DPP10: variants seen among roughly 807,000 people sequenced by gnomAD.
DPP10 encodes inactive dipeptidyl peptidase 10.
In DPP10, 33 loss-of-function variants were observed where a neutral mutation model predicts 120.9. The ratio of observed to expected loss-of-function variants is 0.27; its 90% CI spans 0.21 to 0.37. DPP10 has a LOEUF of 0.37. Among genes scored for constraint, DPP10 ranks in the 10% least tolerant of loss-of-function variants. The pLI, the probability that DPP10 is intolerant of heterozygous loss-of-function variation, is 1.00. For synonymous variants in DPP10, 337 were observed against 326.1 expected (o/e 1.03, Z -0.36); for missense variants, 816 against 942.8 (o/e 0.87, Z 1.76).
At chr2:115,207,622 G>C (rs2056237091) in intron 1 of DPP10, among the ~76,000 whole-genome samples, 1 of 152,124 alleles carries the variant, frequency 6.6e-6, no homozygotes, top group African/African-American at 2.4e-5. Flanking sequence ...AAACGCAAGA[G>C]AGCATGTCCC....
At chr2:115,779,964 CCT>C (rs1210228888) in intron 15 of DPP10, among the ~76,000 whole-genome samples, 3 of 151,868 alleles carry the variant, frequency 2.0e-5, no homozygotes, top group African/African-American at 7.2e-5. Context: ...CCTTAACACC[CCT>C]GTTCCAATCC....
At chr2:115,242,187 T>C (rs757538359) in intron 1 of DPP10, among the ~76,000 whole-genome samples, 2 of 152,164 alleles carry the variant, frequency 1.3e-5, no homozygotes, top group Admixed American at 6.6e-5. Flanking sequence ...TCAAAGTCCA[T>C]TGTATCATTC....
chr2:114,753,736 C>A (rs1222716381), intron 1 of DPP10, among the ~76,000 whole-genome samples: 1 of 151,482 alleles, frequency 6.6e-6, no homozygotes, highest in African/African-American at 2.4e-5. Flanking sequence ...GGTGAAACCC[C>A]ATCTATACTT....
chr2:114,804,533 G>T (rs1185535732), intron 1 of DPP10, among the ~76,000 whole-genome samples: 1 of 152,210 alleles, frequency 6.6e-6, no homozygotes, highest in Non-Finnish European at 1.5e-5. Flanking sequence ...AAGACCATGG[G>T]AACCCACCTC....
At chr2:115,707,952 T>C (rs1352217369) in intron 7 of DPP10, among the ~76,000 whole-genome samples, 2 of 151,826 alleles carry the variant, frequency 1.3e-5, no homozygotes, top group Non-Finnish European at 2.9e-5. Flanking sequence ...TTAAAGCACA[T>C]CAGGAACTTC....
intron 1 of DPP10, among the ~76,000 whole-genome samples, chr2:114,556,211 G>A (rs1558877031): frequency 1.5e-5 from 2 of 133,320 alleles, no homozygotes; most frequent in Admixed American, 8.2e-5. Context: ...TGTAGCAGGA[G>A]AAACAGTGAT....
intron 1 of DPP10, among the ~76,000 whole-genome samples, chr2:115,140,038 A>C (rs149097247): frequency 3.3e-4 from 51 of 152,344 alleles, no homozygotes; most frequent in Admixed American, 1.6e-3. Context: ...AAAATAGACC[A>C]AAGTTTTGAG....
At chr2:114,844,085 C>T (rs529284197) in intron 1 of DPP10, among the ~76,000 whole-genome samples, 2 of 152,200 alleles carry the variant, frequency 1.3e-5, no homozygotes, top group East Asian at 3.9e-4. Context: ...CTGCTTTGAT[C>T]CCTTTTAGTC....
chr2:114,853,740 G>A (rs1689153920), intron 1 of DPP10, among the ~76,000 whole-genome samples: 1 of 152,166 alleles, frequency 6.6e-6, no homozygotes, highest in Non-Finnish European at 1.5e-5. Flanking sequence ...TGGTAGTGGA[G>A]AAAGTTAGCT....
intron 1 of DPP10, among the ~76,000 whole-genome samples, chr2:114,999,238 CAA>C (rs763898341): frequency 2.8e-4 from 43 of 152,112 alleles, no homozygotes; most frequent in African/African-American, 4.1e-4. Context: ...AGAGCAATGC[CAA>C]GAGAGAGATC....
At chr2:114,775,122 G>A (rs1018522565) in intron 1 of DPP10, among the ~76,000 whole-genome samples, 1 of 152,040 alleles carries the variant, frequency 6.6e-6, no homozygotes, top group African/African-American at 2.4e-5. Context: ...CAAGAGCATG[G>A]GTAGAGATGC....
At chr2:114,587,933 C>A (rs1209342015) in intron 1 of DPP10, among the ~76,000 whole-genome samples, 1 of 152,214 alleles carries the variant, frequency 6.6e-6, no homozygotes, top group Non-Finnish European at 1.5e-5. Flanking sequence ...TGATTTATTA[C>A]ATGAAGGTTA....
chr2:115,497,980 T>G (rs1443457753), intron 3 of DPP10, among the ~76,000 whole-genome samples: 1 of 152,066 alleles, frequency 6.6e-6, no homozygotes, highest in Non-Finnish European at 1.5e-5. Context: ...CCTTTTTAGC[T>G]GATAAAAGAA....
chr2:115,381,019 C>G (rs555762659), intron 3 of DPP10, among the ~76,000 whole-genome samples: 142 of 152,260 alleles, frequency 9.3e-4, no homozygotes, highest in African/African-American at 3.2e-3. Flanking sequence ...GTGAATCTGA[C>G]AATTATGTGT....
chr2:115,539,592 C>T (rs929182262), intron 5 of DPP10, among the ~76,000 whole-genome samples: 3 of 151,918 alleles, frequency 2.0e-5, no homozygotes, highest in Non-Finnish European at 4.4e-5. Context: ...TGAAATACAT[C>T]ATACCATAAA....
At chr2:114,899,779 A>C (rs528323037) in intron 1 of DPP10, among the ~76,000 whole-genome samples, 2 of 151,954 alleles carry the variant, frequency 1.3e-5, no homozygotes, top group East Asian at 3.9e-4. Context: ...AACATGGTGA[A>C]ACCCCGTCTC....
At chr2:115,212,660 A>G (rs1281316755) in intron 1 of DPP10, among the ~76,000 whole-genome samples, 1 of 152,194 alleles carries the variant, frequency 6.6e-6, no homozygotes, top group African/African-American at 2.4e-5. Context: ...ACACATACAA[A>G]TATGTTAAAA....
chr2:115,692,212 AT>A (rs59401521), intron 7 of DPP10, among the ~76,000 whole-genome samples: 143,321 of 151,354 alleles, frequency 0.95, 68,199 homozygotes, highest in Non-Finnish European at 1. Context: ...AAGTTTTACA[AT>A]TTTTTTTTTA....
chr2:115,690,414 T>C (rs965777808), intron 7 of DPP10, among the ~76,000 whole-genome samples: 4 of 152,108 alleles, frequency 2.6e-5, no homozygotes, highest in Non-Finnish European at 4.4e-5. Context: ...AGCAATTATA[T>C]ATATATGTAT....
Sources: gnomAD v4.1 joint callset for allele counts (sites outside exome capture counted in the v4.1 genomes callset) on GRCh38, gnomAD v4.1.1 for gene constraint, MANE v1.5 for transcripts, NCBI Gene and HGNC (gene_info 2026-07-23, HGNC 2026-07-21) for gene names.